The following CDH11 variants were observed in gnomAD, a reference collection of about 807,000 sequenced individuals.
CDH11 encodes cadherin-11.
A neutral mutation model predicts 67.8 loss-of-function variants in CDH11; 11 were observed. That is an observed-to-expected ratio of 0.16 (90% CI 0.10 to 0.27). The LOEUF (loss-of-function observed/expected upper bound fraction) is 0.27, where lower values mean the gene tolerates loss of function less well. CDH11 is among the 10% of genes least tolerant of loss of function. The probability of loss-of-function intolerance (pLI) is 1.00; values close to 1 mark genes in which losing one functional copy is unlikely to be tolerated. For missense variants in CDH11, 847 were observed against 1,031.2 expected (o/e 0.82, Z 2.45); for synonymous variants, 419 against 400.0 (o/e 1.05, Z -0.57).
chr16:65,098,660 C>A (rs2074939706), intron 1 of CDH11, among the ~76,000 whole-genome samples: 1 of 152,174 alleles, frequency 6.6e-6, no homozygotes, highest in Middle Eastern at 3.4e-3. Context: ...GATACCATGC[C>A]CTGCCTCTGT....
intron 1 of CDH11, among the ~76,000 whole-genome samples, chr16:65,096,403 CGG>C (rs199984245): frequency 7.5e-6 from 1 of 133,918 alleles, no homozygotes; most frequent in South Asian, 2.6e-4. Flanking sequence ...ATAAATCTTT[CGG>C]GGTGTGTGTG....
At chr16:65,025,953 C>T (rs1252107916) in intron 2 of CDH11, among the ~76,000 whole-genome samples, 1 of 152,106 alleles carries the variant, frequency 6.6e-6, no homozygotes, top group Non-Finnish European at 1.5e-5. Flanking sequence ...AATGGGGATA[C>T]AGGCCAGAAG....
intron 4 of CDH11, 37 bp downstream of exon 4, chr16:64,998,525 G>C: frequency 6.3e-7 from 1 of 1,596,024 alleles, no homozygotes; most frequent in Middle Eastern, 1.7e-4. Context: ...GAGACACCAG[G>C]CCTGGAAGCA....
At chr16:65,096,406 G>GGTGTGTGTGT (rs377132363) in intron 1 of CDH11, among the ~76,000 whole-genome samples, 10 of 134,034 alleles carry the variant, frequency 7.5e-5, no homozygotes, top group Admixed American at 2.3e-4. Flanking sequence ...AATCTTTCGG[G>GGTGTGTGTGT]GTGTGTGTGT....
At chr16:64,953,466 T>C (rs2071419352) in intron 11 of CDH11, among the ~76,000 whole-genome samples, 1 of 152,058 alleles carries the variant, frequency 6.6e-6, no homozygotes, top group African/African-American at 2.4e-5. Flanking sequence ...CAGCCAGCCC[T>C]CAATTCTGTA....
At chr16:65,015,221 G>T (rs1234152435) in intron 2 of CDH11, among the ~76,000 whole-genome samples, 1 of 151,740 alleles carries the variant, frequency 6.6e-6, no homozygotes, top group East Asian at 1.9e-4. Flanking sequence ...CAGGGGAAAA[G>T]TTCAGAGTAG....
intron 1 of CDH11, among the ~76,000 whole-genome samples, chr16:65,099,362 T>C (rs1037023528): frequency 6.6e-6 from 1 of 152,200 alleles, no homozygotes; most frequent in Admixed American, 6.5e-5. Context: ...TGTTTTTCCT[T>C]GTCTCAAGTG....
Position 64,947,319 on chromosome 16 carries a change from C to A in CDH11, c.*284G>T. The A allele has an allele frequency of 8.3e-7, 1 of 1,198,824 alleles. No homozygotes were observed. The highest frequency in any genetic ancestry group is 1.0e-6 in the Non-Finnish European group (1 of 962,472). 74.3% of individuals were successfully genotyped at this position (1,198,824 alleles called of 1,614,324 possible). ...AAACAATTTCCCTTCATTGTCAGTTCAGCGTTAGACTTCTCCTTCACTTAA... is the reference window on the plus strand; with the variant it reads ...AAACAATTTCCCTTCATTGTCAGTTAAGCGTTAGACTTCTCCTTCACTTAA... On this transcript the variant is annotated 3_prime_UTR_variant, in exon 13 of 13. Coordinates refer to ENST00000268603, the MANE Select transcript of CDH11 (RefSeq NM_001797.4).
chr16:64,949,679 G>A (rs1022570422), intron 12 of CDH11, among the ~76,000 whole-genome samples: 9 of 151,966 alleles, frequency 5.9e-5, no homozygotes, highest in Non-Finnish European at 1.2e-4. Flanking sequence ...GCCTGCCTCC[G>A]CCTCCCAAAG....
chr16:64,999,554 G>A (rs2072864255), intron 3 of CDH11, among the ~76,000 whole-genome samples: 1 of 151,208 alleles, frequency 6.6e-6, no homozygotes, highest in Admixed American at 6.6e-5. Context: ...TTTTTTTTGA[G>A]GTGGAGTCTC....
chr16:64,972,155 A>G (rs2072024734), intron 9 of CDH11, 91 bp from the exon 10 acceptor site: 16 of 1,150,348 alleles, frequency 1.4e-5, no homozygotes, highest in Non-Finnish European at 1.7e-5. Context: ...AGCTCCAGCC[A>G]CCTATCTGGG....
rs191974581 is a variant in CDH11, at chr16:64,965,427, T to C, written c.1642+6152A>G. On this transcript the variant is annotated intron_variant, in intron 11 of 12. Coordinates refer to ENST00000268603, the MANE Select transcript of CDH11 (RefSeq NM_001797.4). ...AAAACTAAGATGTAAACCCACACAT[T>C]AGCCTGTGCCTACACAGGATCAGGA... 7.2e-5 allele frequency among the ~76,000 whole-genome samples: 11 copies of C among 152,098 alleles called. No individual in the cohort carries two copies. In the East Asian group the frequency reaches 2.1e-3, roughly 30 times the overall value.
chr16:64,971,547 T>C, intron 11 of CDH11, 32 bp downstream of exon 11: 1 of 1,294,066 alleles, frequency 7.7e-7, no homozygotes, highest in East Asian at 2.3e-5. Flanking sequence ...CCAGTTCTAC[T>C]TCTCTGAATG....
At chr16:65,049,167 T>C (rs1040363538) in intron 2 of CDH11, among the ~76,000 whole-genome samples, 6 of 152,184 alleles carry the variant, frequency 3.9e-5, no homozygotes, top group African/African-American at 1.4e-4. Flanking sequence ...ACAATAAGCA[T>C]GTACATGTAC....
At chr16:65,029,452 G>A (rs1489445173) in intron 2 of CDH11, among the ~76,000 whole-genome samples, 2 of 152,174 alleles carry the variant, frequency 1.3e-5, no homozygotes, top group Admixed American at 6.5e-5. Context: ...GCAGACAGAT[G>A]AGAGAGATAA....
At chr16:65,022,181 A>G (rs2073441403) in intron 2 of CDH11, among the ~76,000 whole-genome samples, 1 of 152,196 alleles carries the variant, frequency 6.6e-6, no homozygotes, top group African/African-American at 2.4e-5. Flanking sequence ...AAACCTTAAA[A>G]GGAAACATAT....
intron 1 of CDH11, among the ~76,000 whole-genome samples, chr16:65,083,593 C>T (rs1360165174): frequency 6.6e-6 from 1 of 152,188 alleles, no homozygotes; most frequent in Non-Finnish European, 1.5e-5. Flanking sequence ...GCCATCCTGG[C>T]AAACAAATCA....
At chr16:65,097,103 T>C (rs1453139882) in intron 1 of CDH11, among the ~76,000 whole-genome samples, 1 of 152,178 alleles carries the variant, frequency 6.6e-6, no homozygotes, top group Non-Finnish European at 1.5e-5. Context: ...TTGTTTTACA[T>C]ACTGGTTGTT....
At chr16:65,017,348 G>A (rs1303146167) in intron 2 of CDH11, among the ~76,000 whole-genome samples, 1 of 152,136 alleles carries the variant, frequency 6.6e-6, no homozygotes, top group African/African-American at 2.4e-5. Context: ...GTAGAGGGAT[G>A]AAGATCCATC....
Sources: allele counts gnomAD v4.1 joint callset (sites outside exome capture counted in the v4.1 genomes callset), GRCh38; gene constraint gnomAD v4.1.1; transcripts MANE v1.5; gene names NCBI Gene and HGNC (gene_info 2026-07-23, HGNC 2026-07-21).